LRRCC1: variants seen among roughly 807,000 people sequenced by gnomAD.
LRRCC1 encodes the protein leucine rich repeat and coiled-coil centrosomal protein 1.
A neutral mutation model predicts 126.0 loss-of-function variants in LRRCC1; 115 were observed. The observed-to-expected ratio is 0.91, with a 90% CI of 0.78 to 1.07. The LOEUF (loss-of-function observed/expected upper bound fraction) is 1.07. Ranked by LOEUF, LRRCC1 falls within the 50% of genes least tolerant of loss-of-function variation. The probability of loss-of-function intolerance (pLI) is 0.00; values close to 1 mark genes in which losing one functional copy is unlikely to be tolerated. For missense variants in LRRCC1, 1,172 were observed against 1,175.7 expected, an observed-to-expected ratio of 1.00 and a Z score of 0.05; for synonymous variants, 400 against 393.4, an observed-to-expected ratio of 1.02 and a Z score of -0.20.
At chr8:85,124,454 A>G (rs536463145) in intron 7 of LRRCC1, among the ~76,000 whole-genome samples, 1 of 152,214 alleles carries the variant, frequency 6.6e-6, no homozygotes, top group Non-Finnish European at 1.5e-5. Flanking sequence ...TTAACTCTCA[A>G]AGAGTAGTTC....
chr8:85,130,579 T>G (rs6605624), intron 11 of LRRCC1, among the ~76,000 whole-genome samples: 115,013 of 152,082 alleles, frequency 0.76, 44,267 homozygotes, highest in African/African-American at 0.86. Context: ...AAATGAATAG[T>G]TGCCTTTGTT....
chr8:85,135,320 A>G (rs990793376), intron 13 of LRRCC1, among the ~76,000 whole-genome samples: 2 of 152,186 alleles, frequency 1.3e-5, no homozygotes, highest in Non-Finnish European at 2.9e-5. Context: ...GTGATACTCA[A>G]ATGGTTAAAG....
Position 85,123,905 on chromosome 8 carries a change from A to G in LRRCC1, c.1124+299A>G, listed in dbSNP as rs561418324. Among the ~76,000 whole-genome samples, 12 of 152,250 alleles carry G rather than the reference A, an allele frequency of 7.9e-5. No individual in the cohort carries two copies. In the South Asian group the frequency reaches 2.5e-3, roughly 32 times the overall value. ...TTTAATCTAGGTTTAGTTCAATCAA[A>G]AACAATGTATGTGGTTTTAGTTTAA... On this transcript the variant is annotated intron_variant, in intron 7 of 18. Coordinates refer to ENST00000360375, the MANE Select transcript of LRRCC1 (RefSeq NM_033402.5).
chr8:85,138,352 AGT>A lies in LRRCC1; in HGVS notation c.2719_2720del (p.Trp907AlafsTer2). On this transcript the variant is annotated frameshift_variant, in exon 17 of 19. Transcript: ENST00000360375. LOFTEE classifies it high-confidence loss of function. ...TCTCATATTAGTACACTGAATCGGAAGTGGCATGATAAAGGAGAACTTCTATG... is the reference window on the plus strand; with the variant it reads ...TCTCATATTAGTACACTGAATCGGAAGGCATGATAAAGGAGAACTTCTATG... 6.2e-7 allele frequency: 1 copy of A among 1,605,522 alleles called. No individual in the cohort carries two copies. Among genetic ancestry groups the A allele is most frequent in the African/African-American group, 1.3e-5 (1 of 74,334 alleles).
At position 85,138,213 on chromosome 8, in the gene LRRCC1, T is replaced by C. The variant is rs1202549751; in HGVS notation, c.2672T>C (p.Val891Ala). The change falls in exon 16 of 19, where the codon GTA (valine) becomes GCA (alanine). Residue 891 changes from valine to alanine, a missense_variant. Transcript: ENST00000360375. Reference sequence around the variant, plus strand: ...AAACAACAGTTGAAAGGAAAGGAAGTAGAACTTGAAGAAATCAGAAAAGCT... The same window carrying C: ...AAACAACAGTTGAAAGGAAAGGAAGCAGAACTTGAAGAAATCAGAAAAGCT... ...KLKQQLKGKE[V>A]ELEEIRKAYS... 1.2e-6 allele frequency: 2 copies of C among 1,609,500 alleles called. No homozygotes were observed. The highest frequency in any genetic ancestry group is 1.7e-6 in the Non-Finnish European group (2 of 1,178,438).
In LRRCC1 at chr8:85,123,486, G is replaced by A; in HGVS notation, c.1004G>A (p.Ser335Asn). Residue 335 changes from serine (S) to asparagine (N), a missense_variant, in exon 7 of 19, where the codon AGT (serine) becomes AAT (asparagine). Physicochemically the swap from Ser to Asn is conservative, Grantham distance 46 (BLOSUM62 1). Coordinates refer to ENST00000360375, the MANE Select transcript of LRRCC1 (RefSeq NM_033402.5). ...AGAGACACAGATATAACTTCTGAAA[G>A]TGACTATGGAAACAGAAAAGAATGC... ...PKRDTDITSE[S>N]DYGNRKECNR... 1.9e-6 allele frequency: 3 copies of A among 1,611,226 alleles called. No homozygotes were observed. The South Asian group carries it at 3.3e-5, about 18-fold the overall frequency.
chr8:85,140,405 A>G (rs986660597), intron 17 of LRRCC1, among the ~76,000 whole-genome samples: 2 of 152,186 alleles, frequency 1.3e-5, no homozygotes, highest in Non-Finnish European at 2.9e-5. Context: ...GTGACTTGCC[A>G]CTAGTCACTT....
At chr8:85,118,387 A>C (rs1393373490) in intron 6 of LRRCC1, among the ~76,000 whole-genome samples, 1 of 152,068 alleles carries the variant, frequency 6.6e-6, no homozygotes, top group African/African-American at 2.4e-5. Flanking sequence ...TCTCTTCACT[A>C]AACAGCTATA....
In LRRCC1 at chr8:85,130,137, T is replaced by C. The variant is rs1587418513; in HGVS notation, c.1766+79T>C. On this transcript the variant is annotated intron_variant, in intron 11 of 18. Transcript: ENST00000360375. ...GCTACTGGTTCCCCACTACCAGTAT[T>C]TTTTTTTTTTTTTTTTGAGACGGAG... 5.6e-5 allele frequency: 13 copies of C among 233,816 alleles called. No homozygotes were observed. In the East Asian group the frequency reaches 1.5e-3, roughly 27 times the overall value. 14.5% of individuals were successfully genotyped at this position (233,816 alleles called of 1,614,324 possible).
chr8:85,114,229 A>AT (rs556542098), intron 4 of LRRCC1, among the ~76,000 whole-genome samples: 6,987 of 146,494 alleles, frequency 0.048, 529 homozygotes, highest in African/African-American at 0.16. Flanking sequence ...CTCAAGTTGG[A>AT]TTTTTTTTTT....
intron 6 of LRRCC1, among the ~76,000 whole-genome samples, chr8:85,116,717 G>A (rs1809153653): frequency 6.6e-6 from 1 of 152,126 alleles, no homozygotes; most frequent in Non-Finnish European, 1.5e-5. Context: ...CGCAAATTAG[G>A]AAGGGGGAAG....
intron 6 of LRRCC1, 50 bp from the exon 7 acceptor site, chr8:85,123,363 C>A: frequency 1.6e-6 from 2 of 1,228,786 alleles, no homozygotes; most frequent in Non-Finnish European, 1.2e-6. Flanking sequence ...CAATTTCAAT[C>A]TTTTTTATAC....
intron 11 of LRRCC1, among the ~76,000 whole-genome samples, chr8:85,130,925 G>A (rs1057066766): frequency 6.6e-6 from 1 of 151,092 alleles, no homozygotes; most frequent in Non-Finnish European, 1.5e-5. Flanking sequence ...ACATTTGGCT[G>A]ATGGGCTGTA....
intron 8 of LRRCC1, 47 bp downstream of exon 8, chr8:85,124,986 TAC>T (rs1809861190): frequency 7.3e-7 from 1 of 1,361,912 alleles, no homozygotes. Context: ...TAATTTTAAA[TAC>T]AGAGTCCCAG....
At chr8:85,123,701 C>A in intron 7 of LRRCC1, 95 bp downstream of exon 7, 1 of 940,476 alleles carries the variant, frequency 1.1e-6, no homozygotes, top group Non-Finnish European at 1.5e-6. Context: ...TGTTACTTTA[C>A]TAATGTTGAA....
intron 6 of LRRCC1, among the ~76,000 whole-genome samples, chr8:85,122,256 G>T (rs903314724): frequency 1.3e-5 from 2 of 152,066 alleles, no homozygotes; most frequent in African/African-American, 4.8e-5. Context: ...TATTTATCCT[G>T]CTTGGGGTTT....
chr8:85,144,331 C>T (rs1811469371), intron 18 of LRRCC1, among the ~76,000 whole-genome samples: 1 of 151,590 alleles, frequency 6.6e-6, no homozygotes, highest in Non-Finnish European at 1.5e-5. Flanking sequence ...ATGGGATTCT[C>T]TGTCCTAGCT....
intron 6 of LRRCC1, among the ~76,000 whole-genome samples, chr8:85,119,898 C>T (rs543021989): frequency 6.6e-6 from 1 of 152,312 alleles, no homozygotes; most frequent in Admixed American, 6.5e-5. Flanking sequence ...GCTTTAGCTA[C>T]ATTCCACAAA....
rs763374855 is a variant in LRRCC1 at position 85,134,807 on chromosome 8, T to G, written c.1969-40T>G. 9 of 1,298,164 alleles carry G rather than the reference T, an allele frequency of 6.9e-6. No homozygotes were observed. The South Asian group carries it at 1.0e-4, about 14-fold the overall frequency. 80.4% of individuals were successfully genotyped at this position (1,298,164 alleles called of 1,614,324 possible). On this transcript the variant is annotated intron_variant, in intron 12 of 18. Coordinates refer to ENST00000360375, the MANE Select transcript of LRRCC1 (RefSeq NM_033402.5). ...TCCAGAAGCAAATATTTTCTAATTATTTGGAGAACTGCTATTTATAATACA... is the reference window on the plus strand; with the variant it reads ...TCCAGAAGCAAATATTTTCTAATTAGTTGGAGAACTGCTATTTATAATACA...
Sources: gnomAD v4.1 joint callset for allele counts (sites outside exome capture counted in the v4.1 genomes callset) on GRCh38, gnomAD v4.1.1 for gene constraint, MANE v1.5 for transcripts, NCBI Gene and HGNC (gene_info 2026-07-23, HGNC 2026-07-21) for gene names.